The following ZNF843 variants were observed in gnomAD, a reference collection of about 807,000 sequenced individuals.
The protein encoded by ZNF843 is zinc finger protein 843.
For synonymous variants in ZNF843, 185 were observed against 207.7 expected (o/e 0.89, Z 0.94); for missense variants, 482 against 469.4 (o/e 1.03, Z -0.25).
rs1320580434 is a variant in ZNF843 at position 31,435,831 on chromosome 16, C to T, written c.1019G>A (p.Ser340Asn). Reference sequence around the variant, plus strand: ...GTGTCGGGCCAGGTTGGACCTCCGGCTGGAGGCCTTCCACACCGGAAACAC... The same window carrying T: ...GTGTCGGGCCAGGTTGGACCTCCGGTTGGAGGCCTTCCACACCGGAAACAC... ...LPVFPVWKAS[S>N]RRSNLARH The change falls in exon 2 of 2, where the codon AGC (serine) becomes AAC (asparagine). Residue 340 changes from serine to asparagine, a missense_variant. Coordinates refer to ENST00000315678, the MANE Select transcript of ZNF843 (RefSeq NM_001136509.3). 1 of 1,466,812 alleles carries T rather than the reference C, an allele frequency of 6.8e-7. No individual in the cohort carries two copies. Among genetic ancestry groups the T allele is most frequent in the Admixed American group, 2.6e-5 (1 of 38,168 alleles). 90.9% of individuals were successfully genotyped at this position (1,466,812 alleles called of 1,614,324 possible). A position where few individuals can be genotyped will look rare whatever the true frequency, so the allele number is the denominator to read the frequency against.
At chr16:31,441,839 C>A (rs1480865186) in intron 1 of ZNF843, among the ~76,000 whole-genome samples, 1 of 152,204 alleles carries the variant, frequency 6.6e-6, no homozygotes, top group Non-Finnish European at 1.5e-5. Flanking sequence ...GTGTTCAAGG[C>A]TCTGAACTGC....
rs1325198018 is a variant in ZNF843 at position 31,435,983 on chromosome 16, A to G, written c.867T>C (p.Pro289=). The G allele has an allele frequency of 1.3e-6, 2 of 1,523,490 alleles. No homozygotes were observed. Among genetic ancestry groups the G allele is most frequent in the Non-Finnish European group, 1.8e-6 (2 of 1,132,036 alleles). The allele number at this position is 1,523,490 out of a possible 1,614,324, so 94.4% of individuals were successfully genotyped here. ...GCTGCGAGGCCTTCCGGGCTGGCTC[A>G]GGGTAGCCTGGGGCCTGAACCGCCT... ...SREAVQAPGY[P]EPARKASQHR... The change falls in exon 2 of 2, where the codon CCT becomes CCC. Residue 289 remains proline, a synonymous_variant. Transcript: ENST00000315678.
chr16:31,437,002 G>A lies in ZNF843; in HGVS notation c.-153C>T. On this transcript the variant is annotated 5_prime_UTR_variant, in exon 2 of 2. Transcript: ENST00000315678. ...CACCCGGCCCCAGGCCTCGGGGGCT[G>A]TCTGGAGAGTTCTCTAATGTAAGAC... The A allele has an allele frequency of 1.5e-6, 1 of 676,376 alleles. No individual in the cohort carries two copies. The highest frequency in any genetic ancestry group is 2.5e-6 in the Non-Finnish European group (1 of 395,914). The allele number at this position is 676,376 out of a possible 1,614,324, so 41.9% of individuals were successfully genotyped here. A position where few individuals can be genotyped will look rare whatever the true frequency, so the allele number is the denominator to read the frequency against.
intron 1 of ZNF843, among the ~76,000 whole-genome samples, chr16:31,442,240 G>A (rs1225208837): frequency 2.6e-5 from 4 of 152,272 alleles, no homozygotes; most frequent in African/African-American, 7.2e-5. Context: ...GGGTCGAGGG[G>A]CTCGGCGGAG....
In ZNF843 at chr16:31,436,872, G is replaced by T; in HGVS notation, c.-23C>A. The T allele has an allele frequency of 6.7e-6, 10 of 1,500,200 alleles. No homozygotes were observed. Among genetic ancestry groups the T allele is most frequent in the Non-Finnish European group, 8.9e-6 (10 of 1,119,914 alleles). 92.9% of individuals were successfully genotyped at this position (1,500,200 alleles called of 1,614,324 possible). A position where few individuals can be genotyped will look rare whatever the true frequency, so the allele number is the denominator to read the frequency against. On this transcript the variant is annotated 5_prime_UTR_variant, in exon 2 of 2. Transcript: ENST00000315678. ...CATGAGCAGGGCTTCGGAGATGACCGCTCAGGGAGTAACTGTACGGGAGGC... is the reference window on the plus strand; with the variant it reads ...CATGAGCAGGGCTTCGGAGATGACCTCTCAGGGAGTAACTGTACGGGAGGC...
intron 1 of ZNF843, among the ~76,000 whole-genome samples, chr16:31,439,146 T>G (rs2082193202): frequency 1.3e-5 from 2 of 151,320 alleles, no homozygotes; most frequent in Non-Finnish European, 2.9e-5. Flanking sequence ...AACTTAAAAG[T>G]ATAATGATAC....
rs1443582359 is a variant in ZNF843, at chr16:31,436,838, G to C, written c.12C>G (p.Leu4=). Reference sequence around the variant, plus strand: ...CGCTTTCCACAGTCAGGGCAAAGGGGAGGCTTCTCATGAGCAGGGCTTCGG... The same window carrying C: ...CGCTTTCCACAGTCAGGGCAAAGGGCAGGCTTCTCATGAGCAGGGCTTCGG... MRS[L]PFALTVESVS... is the part of the protein sequence containing the mutation. The change falls in exon 2 of 2, where the codon CTC becomes CTG. Residue 4 remains leucine, a synonymous_variant. Transcript: ENST00000315678. 1.9e-5 allele frequency: 29 copies of C among 1,538,784 alleles called. No homozygotes were observed. The highest frequency in any genetic ancestry group is 2.5e-5 in the Non-Finnish European group (29 of 1,139,508).
rs1279778132 is a variant in ZNF843, at chr16:31,436,479, C to G, written c.371G>C (p.Gly124Ala). The change falls in exon 2 of 2, where the codon GGT becomes GCT. Residue 124 changes from glycine (G) to alanine (A), a missense_variant. By Grantham distance (60) the Gly-to-Ala change is moderately conservative. Transcript: ENST00000315678. ...EALRLSPVPA[G>A]FWGPVEADRP... ...ATCAGCTTCCACCGGTCCCCAAAAA[C>G]CTGCTGGTACTGGGGACAGACGCAG... 6.4e-7 allele frequency: 1 copy of G among 1,551,722 alleles called. No individual in the cohort carries two copies. The highest frequency in any genetic ancestry group is 8.7e-7 in the Non-Finnish European group (1 of 1,146,980).
chr16:31,437,415 C>T (rs1353305653), intron 1 of ZNF843, among the ~76,000 whole-genome samples: 2 of 149,244 alleles, frequency 1.3e-5, no homozygotes, highest in East Asian at 2.0e-4. Context: ...GTGATCCTCC[C>T]GCTTCAGTCT....
intron 1 of ZNF843, among the ~76,000 whole-genome samples, chr16:31,442,335 T>G (rs1304554080): frequency 8.0e-6 from 1 of 125,350 alleles, no homozygotes; most frequent in Admixed American, 8.5e-5. Flanking sequence ...ATTTATTTAT[T>G]TTTGAGACGG....
At chr16:31,440,587 C>T (rs2082197856) in intron 1 of ZNF843, among the ~76,000 whole-genome samples, 1 of 152,122 alleles carries the variant, frequency 6.6e-6, no homozygotes, top group South Asian at 2.1e-4. Flanking sequence ...AGAGATAATG[C>T]TGTAATGAGC....
chr16:31,436,791 C>G lies in ZNF843; in HGVS notation c.59G>C (p.Cys20Ser), dbSNP rs919811591. The change falls in exon 2 of 2, where the codon TGC (cysteine) becomes TCC (serine). Residue 20 changes from cysteine (C) to serine (S), a missense_variant. Coordinates refer to ENST00000315678, the MANE Select transcript of ZNF843 (RefSeq NM_001136509.3). Reference protein sequence around the residue: ...VESVSARAPTCCSTGRFTQGR... With the variant: ...VESVSARAPTSCSTGRFTQGR... ...CTGGGTGAATCTGCCGGTGCTGCAGCAGGTAGGAGCTCTGGCTGAAACGCT... is the reference window on the plus strand; with the variant it reads ...CTGGGTGAATCTGCCGGTGCTGCAGGAGGTAGGAGCTCTGGCTGAAACGCT... The G allele has an allele frequency of 6.4e-7, 1 of 1,551,472 alleles. No individual in the cohort carries two copies. The highest frequency in any genetic ancestry group is 1.4e-5 in the African/African-American group (1 of 73,066).
chr16:31,441,667 T>C (rs2082201518), intron 1 of ZNF843, among the ~76,000 whole-genome samples: 1 of 151,556 alleles, frequency 6.6e-6, no homozygotes, highest in African/African-American at 2.4e-5. Flanking sequence ...TTTTAAATAA[T>C]TAGTGTAGAC....
intron 1 of ZNF843, among the ~76,000 whole-genome samples, chr16:31,440,004 A>G (rs1366651460): frequency 2.0e-5 from 3 of 152,238 alleles, no homozygotes; most frequent in Non-Finnish European, 4.4e-5. Context: ...TATAAATAAT[A>G]CGGAGTTGAA....
rs967401778 is a variant in ZNF843 at position 31,442,659 on chromosome 16, A to T, written c.-359T>A. ...ACCCGGTGAGGTCCCGTGCCCGCGT[A>T]CCTCCCGCATGACACTTGGGCGTGC... On this transcript the variant is annotated 5_prime_UTR_variant, in exon 1 of 2. Coordinates refer to ENST00000315678, the MANE Select transcript of ZNF843 (RefSeq NM_001136509.3). 6.6e-6 allele frequency: 1 copy of T among 150,692 alleles called. No individual in the cohort carries two copies. The highest frequency in any genetic ancestry group is 2.4e-5 in the African/African-American group (1 of 40,826). The allele number at this position is 150,692 out of a possible 1,614,324, so 9.3% of individuals were successfully genotyped here. A position where few individuals can be genotyped will look rare whatever the true frequency, so the allele number is the denominator to read the frequency against.
chr16:31,441,898 C>T (rs1465270778), intron 1 of ZNF843, among the ~76,000 whole-genome samples: 3 of 152,220 alleles, frequency 2.0e-5, no homozygotes, highest in African/African-American at 7.2e-5. Flanking sequence ...ACCCTCTCAG[C>T]TTAAGAGTAT....
In ZNF843 at chr16:31,436,392, CTG is replaced by C. The variant is rs1239050381; in HGVS notation, c.456_457del (p.Asp152GlufsTer4). The C allele has an allele frequency of 1.2e-5, 18 of 1,549,950 alleles. No individual in the cohort carries two copies. The highest frequency in any genetic ancestry group is 1.6e-5 in the Non-Finnish European group (18 of 1,145,980). ...GGAGAGGGAGGTCTTCTCATTGACA[CTG>C]TCACCGCAGCTGCAGCAGCAGAAGG... On this transcript the variant is annotated frameshift_variant, in exon 2 of 2. Transcript: ENST00000315678. LOFTEE classifies it low-confidence loss of function (END_TRUNC).
intron 1 of ZNF843, among the ~76,000 whole-genome samples, chr16:31,439,060 T>A: frequency 6.7e-6 from 1 of 150,212 alleles, no homozygotes. Flanking sequence ...AAATGACGAG[T>A]TAATGGGTGC....
At position 31,435,828 on chromosome 16, in the gene ZNF843, C is replaced by T. The variant is rs974436379; in HGVS notation, c.1022G>A (p.Arg341Gln). The T allele has an allele frequency of 4.1e-6, 6 of 1,463,172 alleles. No homozygotes were observed. The African/African-American group carries it at 4.3e-5, about 10-fold the overall frequency. 90.6% of individuals were successfully genotyped at this position (1,463,172 alleles called of 1,614,324 possible). A position where few individuals can be genotyped will look rare whatever the true frequency, so the allele number is the denominator to read the frequency against. The part of the protein sequence containing the change: ...PVFPVWKASS[R>Q]RSNLARH Reference sequence around the variant, plus strand: ...TCAGTGTCGGGCCAGGTTGGACCTCCGGCTGGAGGCCTTCCACACCGGAAA... The same window carrying T: ...TCAGTGTCGGGCCAGGTTGGACCTCTGGCTGGAGGCCTTCCACACCGGAAA... Residue 341 changes from arginine (R) to glutamine (Q), a missense_variant, in exon 2 of 2, where the codon CGG becomes CAG. Transcript: ENST00000315678.
Sources: allele counts gnomAD v4.1 joint callset (sites outside exome capture counted in the v4.1 genomes callset), GRCh38; gene constraint gnomAD v4.1.1; transcripts MANE v1.5; gene names NCBI Gene and HGNC (gene_info 2026-07-23, HGNC 2026-07-21).